RREB1: variants seen among roughly 807,000 people sequenced by gnomAD.
RREB1 encodes the protein ras responsive element binding protein 1.
A neutral mutation model predicts 117.8 loss-of-function variants in RREB1; 27 were observed. That is an observed-to-expected ratio of 0.23 (90% CI 0.17 to 0.32). The LOEUF (loss-of-function observed/expected upper bound fraction) is 0.32, where lower values mean the gene tolerates loss of function less well. RREB1 is among the 10% of genes least tolerant of loss of function. The pLI is 1.00. For missense variants in RREB1, 2,577 were observed against 2,378.2 expected, an observed-to-expected ratio of 1.08 and a Z score of -1.74; for synonymous variants, 1,298 against 1,026.7, an observed-to-expected ratio of 1.26 and a Z score of -5.05.
chr6:7,246,947 G>A lies in RREB1; in HGVS notation c.4497G>A (p.Lys1499=). 1.3e-6 allele frequency: 2 copies of A among 1,559,750 alleles called. No homozygotes were observed. The highest frequency in any genetic ancestry group is 1.7e-6 in the Non-Finnish European group (2 of 1,153,472). The change falls in exon 12 of 13, where the codon AAG becomes AAA. Residue 1499 remains lysine (K), a synonymous_variant. Coordinates refer to ENST00000379938, the MANE Select transcript of RREB1 (RefSeq NM_001003699.4). ...AGCCCGCCCCTGAACAGGAGGAGAA[G>A]CCCCCCGAGACCCCGGCAGAGGTGG... is the stretch of plus-strand genomic sequence containing the variant. ...GPQPAPEQEE[K]PPETPAEVVE... is the part of the protein sequence containing the mutation.
intron 11 of RREB1, among the ~76,000 whole-genome samples, chr6:7,244,134 A>C (rs1407292987): frequency 6.6e-6 from 1 of 151,940 alleles, no homozygotes; most frequent in Admixed American, 6.6e-5. Context: ...ATGGTGGCTC[A>C]CACCTGTAAT....
rs1435957939 is a variant in RREB1, at chr6:7,250,448, A to G, written c.*1480A>G. ...TTACCCATGAGCATCCTGTGCAGGC[A>G]ATAGACTTCCCTCACTGTCTCCGCC... On this transcript the variant is annotated 3_prime_UTR_variant, in exon 13 of 13. Transcript: ENST00000379938. 1 of 152,078 alleles carries G rather than the reference A, an allele frequency of 6.6e-6. No individual in the cohort carries two copies. 9.4% of individuals were successfully genotyped at this position (152,078 alleles called of 1,614,324 possible).
At chr6:7,145,878 G>C (rs1762830369) in intron 1 of RREB1, among the ~76,000 whole-genome samples, 1 of 151,830 alleles carries the variant, frequency 6.6e-6, no homozygotes, top group Non-Finnish European at 1.5e-5. Flanking sequence ...GGGAAGAAAG[G>C]GGTTGCTGTT....
intron 11 of RREB1, among the ~76,000 whole-genome samples, chr6:7,241,146 T>TAAAG (rs1309006585): frequency 6.6e-6 from 1 of 152,140 alleles, no homozygotes; most frequent in Non-Finnish European, 1.5e-5. Flanking sequence ...GTCCTTTCTT[T>TAAAG]AATCACATCT....
At chr6:7,232,287 A>C (rs1254124613) in intron 10 of RREB1, among the ~76,000 whole-genome samples, 1 of 152,186 alleles carries the variant, frequency 6.6e-6, no homozygotes, top group Non-Finnish European at 1.5e-5. Context: ...ACTTTGTATT[A>C]AGGTATTGGG....
chr6:7,114,254 T>G lies in RREB1; in HGVS notation c.-285+6194T>G, dbSNP rs115948477. Among the ~76,000 whole-genome samples, 694 of 152,224 alleles carry G rather than the reference T, an allele frequency of 4.6e-3. 4 individuals are homozygous for G. Among genetic ancestry groups the G allele is most frequent in the African/African-American group, 0.016 (655 of 41,524 alleles). On this transcript the variant is annotated intron_variant, in intron 1 of 12. Transcript: ENST00000379938. ...CTCCTGCCTCAGTCTCCTGAGCAGG[T>G]GGGACTACAGGCACACACCACCACG... is the stretch of plus-strand genomic sequence containing the variant.
intron 6 of RREB1, among the ~76,000 whole-genome samples, chr6:7,200,889 T>G (rs1011262383): frequency 5.9e-5 from 9 of 152,246 alleles, no homozygotes; most frequent in Non-Finnish European, 1.3e-4. Context: ...GTTTGTGTTT[T>G]GGAAAGGAAA....
intron 6 of RREB1, among the ~76,000 whole-genome samples, chr6:7,194,785 T>C (rs370172776): frequency 1.3e-5 from 2 of 152,198 alleles, no homozygotes; most frequent in Admixed American, 6.5e-5. Flanking sequence ...AGGTTTACAG[T>C]GTACTATGGA....
chr6:7,157,304 C>T (rs562309056), intron 1 of RREB1, among the ~76,000 whole-genome samples: 1 of 151,932 alleles, frequency 6.6e-6, no homozygotes, highest in East Asian at 1.9e-4. Flanking sequence ...TGTGGTGGGG[C>T]GTGCCTGTAG....
rs772399049 is a variant in RREB1 at position 7,231,003 on chromosome 6, G to A, written c.2904G>A (p.Gln968=). 1.2e-6 allele frequency: 2 copies of A among 1,614,042 alleles called. No homozygotes were observed. Among genetic ancestry groups the A allele is most frequent in the South Asian group, 1.1e-5 (1 of 91,090 alleles). The change falls in exon 10 of 13, where the codon CAG becomes CAA. Residue 968 remains glutamine, a synonymous_variant. Coordinates refer to ENST00000379938, the MANE Select transcript of RREB1 (RefSeq NM_001003699.4). ...KPEEEAGSSE[Q]PSPCPAPGPS... is the part of the protein sequence containing the mutation. ...AGGAGGAGGCGGGGAGCAGCGAGCA[G>A]CCCTCTCCCTGCCCAGCACCCGGCC...
Position 7,229,957 on chromosome 6 carries a change from G to C in RREB1, c.1858G>C (p.Glu620Gln). The C allele has an allele frequency of 6.2e-7, 1 of 1,603,120 alleles. No homozygotes were observed. Among genetic ancestry groups the C allele is most frequent in the Non-Finnish European group, 8.5e-7 (1 of 1,172,212 alleles). ...MEAKIKQEIT[E>Q]GELKAFMTAP... The stretch of plus-strand genomic sequence containing the variant: ...GGCCAAGATCAAGCAGGAGATCACA[G>C]AGGGGGAACTCAAGGCCTTCATGAC... The change falls in exon 10 of 13, where the codon GAG (glutamate) becomes CAG (glutamine). Residue 620 changes from glutamate (E) to glutamine (Q), a missense_variant. Coordinates refer to ENST00000379938, the MANE Select transcript of RREB1 (RefSeq NM_001003699.4). This position sits in a 1 kb window ranked among gnomAD's most constrained non-coding sequence, Gnocchi z 4.5.
chr6:7,215,460 C>T (rs1691697778), intron 8 of RREB1: 1 of 152,222 alleles, frequency 6.6e-6, no homozygotes, highest in South Asian at 2.1e-4. Flanking sequence ...ACCTCAGCCT[C>T]CCAAGTAGCT....
intron 8 of RREB1, among the ~76,000 whole-genome samples, chr6:7,222,217 C>T (rs942351664): frequency 6.6e-6 from 1 of 152,122 alleles, no homozygotes; most frequent in Non-Finnish European, 1.5e-5. Context: ...TATAAGAATC[C>T]GCTGGTGTGC....
chr6:7,246,850 G>C lies in RREB1; in HGVS notation c.4400G>C (p.Arg1467Pro), dbSNP rs769360490. 6.4e-7 allele frequency: 1 copy of C among 1,553,384 alleles called. No individual in the cohort carries two copies. Among genetic ancestry groups the C allele is most frequent in the East Asian group, 2.4e-5 (1 of 41,296 alleles). Reference sequence around the variant, plus strand: ...TTCCTGGGCACCCTGAGCCGCCACCGGAAGGCGCACGGCCGCCAGGAGCCC... The same window carrying C: ...TTCCTGGGCACCCTGAGCCGCCACCCGAAGGCGCACGGCCGCCAGGAGCCC... ...FKFLGTLSRH[R>P]KAHGRQEPKD... Residue 1467 changes from arginine (R) to proline (P), a missense_variant, in exon 12 of 13, where the codon CGG becomes CCG. Coordinates refer to ENST00000379938, the MANE Select transcript of RREB1 (RefSeq NM_001003699.4).
chr6:7,132,413 A>G (rs1352222023), intron 1 of RREB1, among the ~76,000 whole-genome samples: 2 of 152,054 alleles, frequency 1.3e-5, no homozygotes, highest in East Asian at 1.9e-4. Context: ...CGATCCATCT[A>G]CGTTGGCCTT....
At chr6:7,113,850 A>G (rs1051357630) in intron 1 of RREB1, among the ~76,000 whole-genome samples, 3 of 152,210 alleles carry the variant, frequency 2.0e-5, no homozygotes, top group Admixed American at 6.5e-5. Context: ...CTGTGATGAC[A>G]TGTATCTTTT....
intron 6 of RREB1, among the ~76,000 whole-genome samples, chr6:7,207,573 A>G (rs1766347830): frequency 6.6e-6 from 1 of 152,180 alleles, no homozygotes; most frequent in African/African-American, 2.4e-5. Flanking sequence ...GGCTCCCTTT[A>G]TGTACCTTCT....
intron 1 of RREB1, among the ~76,000 whole-genome samples, chr6:7,114,470 G>T (rs1020812962): frequency 5.8e-4 from 23 of 39,876 alleles, no homozygotes; most frequent in African/African-American, 1.0e-3. Context: ...GTTTCTGGTG[G>T]GGGGGGGGGC....
chr6:7,188,860 G>A (rs1483248261), intron 5 of RREB1, among the ~76,000 whole-genome samples: 1 of 152,036 alleles, frequency 6.6e-6, no homozygotes, highest in African/African-American at 2.4e-5. Context: ...TAATATATGT[G>A]GTCACTGAAT....
Sources: allele counts gnomAD v4.1 joint callset (sites outside exome capture counted in the v4.1 genomes callset), GRCh38; gene constraint gnomAD v4.1.1; non-coding constraint Gnocchi (gnomAD v3.1); transcripts MANE v1.5; gene names NCBI Gene and HGNC (gene_info 2026-07-23, HGNC 2026-07-21).